NFIB: variants seen among roughly 807,000 people sequenced by gnomAD.
NFIB encodes the protein nuclear factor 1 B-type.
NFIB carries 11 observed loss-of-function variants against 61.5 expected under a neutral mutation model. The observed-to-expected ratio is 0.18, with a 90% confidence interval of 0.11 to 0.30. The LOEUF (loss-of-function observed/expected upper bound fraction) is 0.30. Among genes scored for constraint, NFIB ranks in the 10% least tolerant of loss-of-function variants. The pLI, the probability that NFIB is intolerant of heterozygous loss-of-function variation, is 1.00. For synonymous variants in NFIB, 260 were observed against 216.5 expected (o/e 1.20, Z -1.76); for missense variants, 471 against 608.9 (o/e 0.77, Z 2.38).
chr9:14,125,891 T>C (rs1009103141), intron 6 of NFIB, 125 bp from the exon 7 acceptor site: 4 of 1,310,760 alleles, frequency 3.1e-6, no homozygotes, highest in African/African-American at 3.0e-5. Context: ...TTTTACAAAA[T>C]ATATTCTGAG....
At chr9:14,442,119 G>T in the NFIB span, among the ~76,000 whole-genome samples, 2 of 152,162 alleles carry the variant, frequency 1.3e-5, no homozygotes, top group Non-Finnish European at 2.9e-5. Context: ...AGGCAGAGCT[G>T]CCAGGGCTGG....
At chr9:14,331,411 T>C (rs1197025038) in intron 1 of NFIB, among the ~76,000 whole-genome samples, 3 of 152,208 alleles carry the variant, frequency 2.0e-5, no homozygotes, top group Non-Finnish European at 2.9e-5. Context: ...TTTTTATCAC[T>C]CTTCTTTTGA....
At chr9:14,391,768 C>T (rs887316869) in intron 1 of NFIB, among the ~76,000 whole-genome samples, 1 of 152,132 alleles carries the variant, frequency 6.6e-6, no homozygotes, top group African/African-American at 2.4e-5. Context: ...TGTATAAAAC[C>T]CCAAGTCCAG....
At chr9:14,287,041 G>A (rs1243107306) in intron 2 of NFIB, among the ~76,000 whole-genome samples, 2 of 152,160 alleles carry the variant, frequency 1.3e-5, no homozygotes, top group Admixed American at 1.3e-4. Context: ...CTGAGGAGAT[G>A]GGGAAGTACA....
chr9:14,378,998 TAGAG>T (rs1227868222), intron 1 of NFIB, among the ~76,000 whole-genome samples: 1 of 152,138 alleles, frequency 6.6e-6, no homozygotes, highest in East Asian at 1.9e-4. Flanking sequence ...TTTGAGATGA[TAGAG>T]AGGCACGCAT....
intron 2 of NFIB, among the ~76,000 whole-genome samples, chr9:14,298,537 C>T (rs1418140234): frequency 6.6e-6 from 1 of 152,090 alleles, no homozygotes; most frequent in Non-Finnish European, 1.5e-5. Context: ...TGCCCCACCT[C>T]TTGTAGCAAG....
At chr9:14,464,286 G>A in the NFIB span, among the ~76,000 whole-genome samples, 10 of 152,242 alleles carry the variant, frequency 6.6e-5, no homozygotes, top group South Asian at 2.1e-4. Context: ...TAATTCCATC[G>A]ATTCAGCTTA....
At chr9:14,323,789 T>C (rs1240657493) in intron 1 of NFIB, among the ~76,000 whole-genome samples, 1 of 151,998 alleles carries the variant, frequency 6.6e-6, no homozygotes, top group Non-Finnish European at 1.5e-5. Flanking sequence ...CACGCAGTAT[T>C]TTTTTTTAAA....
At chr9:14,439,097 G>C in the NFIB span, among the ~76,000 whole-genome samples, 1 of 152,222 alleles carries the variant, frequency 6.6e-6, no homozygotes, top group Non-Finnish European at 1.5e-5. Flanking sequence ...CAGGCTCGGC[G>C]TTGTGGCTCG....
the NFIB span, among the ~76,000 whole-genome samples, chr9:14,514,561 G>A: frequency 6.6e-6 from 1 of 152,090 alleles, no homozygotes; most frequent in Non-Finnish European, 1.5e-5. Flanking sequence ...CTAATTCCAG[G>A]AAGCATTTAT....
intron 1 of NFIB, among the ~76,000 whole-genome samples, chr9:14,332,497 C>T (rs1018294292): frequency 6.6e-6 from 1 of 152,088 alleles, no homozygotes; most frequent in Non-Finnish European, 1.5e-5. Context: ...TTAACAGCAT[C>T]TTGAGCAACT....
the NFIB span, among the ~76,000 whole-genome samples, chr9:14,499,947 T>C: frequency 2.6e-5 from 4 of 152,218 alleles, no homozygotes; most frequent in African/African-American, 9.6e-5. Flanking sequence ...TAATGAGTGC[T>C]TCCTTGATGA....
the NFIB span, among the ~76,000 whole-genome samples, chr9:14,480,779 C>T: frequency 2.0e-5 from 3 of 152,120 alleles, no homozygotes; most frequent in African/African-American, 7.2e-5. Context: ...AACATGGCTG[C>T]CTCCTGCTGA....
At chr9:14,141,968 A>G (rs1008625681) in intron 6 of NFIB, among the ~76,000 whole-genome samples, 1 of 151,334 alleles carries the variant, frequency 6.6e-6, no homozygotes, top group Non-Finnish European at 1.5e-5. Context: ...TATTTAACAT[A>G]TCATATTTTT....
intron 2 of NFIB, among the ~76,000 whole-genome samples, chr9:14,195,527 A>T (rs981299813): frequency 6.6e-6 from 1 of 152,220 alleles, no homozygotes; most frequent in Non-Finnish European, 1.5e-5. Context: ...CACATATGAG[A>T]CGACTTTTAT....
At chr9:14,241,416 T>C (rs1002567489) in intron 2 of NFIB, among the ~76,000 whole-genome samples, 14 of 152,156 alleles carry the variant, frequency 9.2e-5, no homozygotes, top group Admixed American at 4.6e-4. Flanking sequence ...AGGACAGAAG[T>C]AGCTGCATGA....
At chr9:14,458,027 A>G in the NFIB span, among the ~76,000 whole-genome samples, 1 of 152,248 alleles carries the variant, frequency 6.6e-6, no homozygotes, top group Non-Finnish European at 1.5e-5. Flanking sequence ...TGAGGCCAGC[A>G]TCATCCTGAT....
chr9:14,315,303 C>T (rs1416481712), upstream of NFIB, among the ~76,000 whole-genome samples: 1 of 151,230 alleles, frequency 6.6e-6, no homozygotes, highest in Non-Finnish European at 1.5e-5. Context: ...CCGCCCTCCC[C>T]GGGGGTGCCC....
the NFIB span, among the ~76,000 whole-genome samples, chr9:14,417,069 T>C: frequency 2.0e-5 from 3 of 151,040 alleles, no homozygotes; most frequent in South Asian, 2.1e-4. Flanking sequence ...ATTTTTTGTA[T>C]CTTTAGTAGA....
Sources: allele counts gnomAD v4.1 joint callset (sites outside exome capture counted in the v4.1 genomes callset), GRCh38; gene constraint gnomAD v4.1.1; transcripts MANE v1.5; gene names NCBI Gene and HGNC (gene_info 2026-07-23, HGNC 2026-07-21).